Variants in SGCZ observed in about 807,000 individuals in gnomAD.
The protein encoded by SGCZ is sarcoglycan zeta, also known as zeta-sarcoglycan.
Under a neutral mutation model 41.3 loss-of-function variants are expected in SGCZ, and 40 were observed. That is an observed-to-expected ratio of 0.97 (90% CI 0.75 to 1.26). SGCZ has a LOEUF of 1.26. SGCZ is among the 50% of genes most tolerant of loss of function. The pLI, the probability that SGCZ is intolerant of heterozygous loss-of-function variation, is 0.00. For synonymous variants in SGCZ, 206 were observed against 137.5 expected (o/e 1.50, Z -3.49); for missense variants, 552 against 369.8 (o/e 1.49, Z -4.04).
chr8:14,357,897 C>A (rs1453695525), intron 2 of SGCZ, among the ~76,000 whole-genome samples: 1 of 152,180 alleles, frequency 6.6e-6, no homozygotes, highest in Non-Finnish European at 1.5e-5. Context: ...TAATAATCAG[C>A]TAAATGCTAG....
intron 1 of SGCZ, among the ~76,000 whole-genome samples, chr8:14,682,069 C>A (rs1423441016): frequency 6.6e-6 from 1 of 151,954 alleles, no homozygotes; most frequent in East Asian, 1.9e-4. Context: ...AACCTTTAGT[C>A]CAGGTAGTCA....
chr8:15,042,607 T>C (rs1344800450), intron 1 of SGCZ, among the ~76,000 whole-genome samples: 3 of 152,334 alleles, frequency 2.0e-5, no homozygotes, highest in East Asian at 1.9e-4. Context: ...GGTTAATACA[T>C]GTTGCCACTT....
intron 1 of SGCZ, among the ~76,000 whole-genome samples, chr8:15,188,332 G>C (rs555916331): frequency 6.6e-6 from 1 of 152,166 alleles, no homozygotes; most frequent in African/African-American, 2.4e-5. Context: ...TGTTACTTGA[G>C]GAATTGTCCT....
rs562157719 is a variant in SGCZ, at chr8:14,861,221, T to C, written c.40-306295A>G. 1.8e-4 allele frequency among the ~76,000 whole-genome samples: 27 copies of C among 152,330 alleles called. No individual in the cohort carries two copies. The East Asian group carries it at 5.2e-3, about 29-fold the overall frequency. On this transcript the variant is annotated intron_variant, in intron 1 of 7. Coordinates refer to ENST00000382080, the MANE Select transcript of SGCZ (RefSeq NM_139167.4). ...TGACCAAGAAAGACTGTCACATCCATTCTTACACATGTTTTCCTTGTGTTA... is the reference window on the plus strand; with the variant it reads ...TGACCAAGAAAGACTGTCACATCCACTCTTACACATGTTTTCCTTGTGTTA...
At chr8:14,924,545 A>G (rs934014735) in intron 1 of SGCZ, among the ~76,000 whole-genome samples, 75 of 152,200 alleles carry the variant, frequency 4.9e-4, no homozygotes, top group Non-Finnish European at 1.3e-4. Context: ...TACAAAAAAA[A>G]AAGCACGCCT....
At chr8:14,417,159 C>G (rs537010528) in intron 2 of SGCZ, among the ~76,000 whole-genome samples, 1 of 151,860 alleles carries the variant, frequency 6.6e-6, no homozygotes, top group African/African-American at 2.4e-5. Flanking sequence ...ATAAAACTGA[C>G]AGTTTCTGCT....
intron 1 of SGCZ, among the ~76,000 whole-genome samples, chr8:14,982,437 A>C (rs10109779): frequency 6.6e-6 from 1 of 151,982 alleles, no homozygotes. Context: ...ATATTTCTCA[A>C]AAGATTGTAA....
intron 3 of SGCZ, among the ~76,000 whole-genome samples, chr8:14,262,223 A>G (rs551258888): frequency 2.6e-5 from 4 of 152,188 alleles, no homozygotes; most frequent in Admixed American, 6.5e-5. Flanking sequence ...TTAACAGGCT[A>G]AAAAGCAAGG....
intron 1 of SGCZ, among the ~76,000 whole-genome samples, chr8:14,557,821 G>C (rs561379260): frequency 6.6e-6 from 1 of 152,164 alleles, no homozygotes; most frequent in South Asian, 2.1e-4. Context: ...GATCAGAGCA[G>C]AAGTAAATGA....
At chr8:14,718,437 A>G (rs1809767933) in intron 1 of SGCZ, among the ~76,000 whole-genome samples, 1 of 152,084 alleles carries the variant, frequency 6.6e-6, no homozygotes, top group Non-Finnish European at 1.5e-5. Context: ...TGCTCTTTTT[A>G]AAGGATCCCC....
chr8:15,013,591 C>A (rs540025923), intron 1 of SGCZ, among the ~76,000 whole-genome samples: 1 of 152,046 alleles, frequency 6.6e-6, no homozygotes, highest in Non-Finnish European at 1.5e-5. Flanking sequence ...TGAAAGGCTG[C>A]ATGGTGTTGT....
intron 1 of SGCZ, among the ~76,000 whole-genome samples, chr8:14,672,169 G>A (rs941960975): frequency 2.6e-5 from 4 of 152,062 alleles, no homozygotes; most frequent in Non-Finnish European, 2.9e-5. Context: ...AATAGGTTAC[G>A]TACAAACTAT....
intron 4 of SGCZ, among the ~76,000 whole-genome samples, chr8:14,236,220 C>G (rs1159307387): frequency 2.6e-5 from 4 of 152,108 alleles, no homozygotes; most frequent in Admixed American, 1.3e-4. Flanking sequence ...GTTCTATATC[C>G]ATACACATAT....
At chr8:14,615,000 G>A (rs201237610) in intron 1 of SGCZ, among the ~76,000 whole-genome samples, 1 of 63,336 alleles carries the variant, frequency 1.6e-5, no homozygotes, top group African/African-American at 4.7e-5. Flanking sequence ...GTGTATATAT[G>A]TGTGTGTGTG....
At chr8:15,028,709 T>C (rs1803547368) in intron 1 of SGCZ, among the ~76,000 whole-genome samples, 1 of 152,064 alleles carries the variant, frequency 6.6e-6, no homozygotes, top group South Asian at 2.1e-4. Flanking sequence ...CTCTTACAAA[T>C]AGCTTTAATC....
chr8:14,113,395 TTAATTA>T (rs1376060843), intron 5 of SGCZ, among the ~76,000 whole-genome samples: 2 of 152,112 alleles, frequency 1.3e-5, no homozygotes, highest in South Asian at 2.1e-4. Flanking sequence ...TTTTATATTT[TTAATTA>T]TAACAGTTGC....
intron 5 of SGCZ, among the ~76,000 whole-genome samples, chr8:14,138,764 A>C (rs531937978): frequency 1.1e-3 from 172 of 152,258 alleles, no homozygotes; most frequent in Middle Eastern, 3.4e-3. Flanking sequence ...ACCCCACTGT[A>C]AACATTAGAC....
At position 15,011,631 on chromosome 8, in the gene SGCZ, A is replaced by T. The variant is rs542453440; in HGVS notation, c.39+225954T>A. ...CTCCCAGACTATCTCAATTTTGAAT[A>T]AATTCTTCCATCATGTATTACTACT... On this transcript the variant is annotated intron_variant, in intron 1 of 7. Transcript: ENST00000382080. 2.0e-5 allele frequency among the ~76,000 whole-genome samples: 3 copies of T among 152,330 alleles called. No homozygotes were observed. In the South Asian group the frequency reaches 6.2e-4, roughly 32 times the overall value.
intron 2 of SGCZ, among the ~76,000 whole-genome samples, chr8:14,390,400 A>C (rs1215101910): frequency 6.6e-6 from 1 of 151,894 alleles, no homozygotes; most frequent in Non-Finnish European, 1.5e-5. Flanking sequence ...ATAAGAAAAA[A>C]TCATGTTTAG....
Sources: allele counts gnomAD v4.1 joint callset (sites outside exome capture counted in the v4.1 genomes callset), GRCh38; gene constraint gnomAD v4.1.1; transcripts MANE v1.5; gene names NCBI Gene and HGNC (gene_info 2026-07-23, HGNC 2026-07-21).